The following MAK variants were observed in gnomAD, a reference collection of about 807,000 sequenced individuals.
The protein encoded by MAK is serine/threonine-protein kinase MAK.
Under a neutral mutation model 82.6 loss-of-function variants are expected in MAK, and 65 were observed. The observed-to-expected ratio is 0.79, with a 90% CI of 0.64 to 0.97. The LOEUF is 0.97. Among genes scored for constraint, MAK ranks in the 50% least tolerant of loss-of-function variants. The pLI is 0.00. For missense variants in MAK, 703 were observed against 780.2 expected (o/e 0.90, Z 1.18); for synonymous variants, 250 against 274.2 (o/e 0.91, Z 0.87).
At chr6:10,823,153 A>G (rs530535918) in intron 2 of MAK, among the ~76,000 whole-genome samples, 2 of 152,226 alleles carry the variant, frequency 1.3e-5, no homozygotes, top group Middle Eastern at 3.4e-3. Flanking sequence ...TCATCTACCA[A>G]CTGCCATGCC....
intron 10 of MAK, 172 bp from the exon 11 acceptor site, chr6:10,784,744 A>C (rs939665715): frequency 1.2e-5 from 8 of 695,502 alleles, no homozygotes; most frequent in Non-Finnish European, 2.1e-5. Context: ...CCACCCGCGT[A>C]GATATTGGGT....
chr6:10,775,427 T>C lies in MAK; in HGVS notation c.1498A>G (p.Ser500Gly). 1.2e-6 allele frequency: 2 copies of C among 1,613,844 alleles called. No individual in the cohort carries two copies. The highest frequency in any genetic ancestry group is 2.2e-5 in the East Asian group (1 of 44,866). The change falls in exon 12 of 15, where the codon AGT (serine) becomes GGT (glycine). Residue 500 changes from serine (S) to glycine (G), a missense_variant. Coordinates refer to ENST00000354489, the MANE Select transcript of MAK (RefSeq NM_001242957.3). ...GTGTGGGGGTTTATTTCCTTTCCAC[T>C]GGCTATCAAGGACACCTTCTTGGGA... is the stretch of plus-strand genomic sequence containing the variant. ...VNPKKVSLIA[S>G]GKEINPHTWS...
chr6:10,830,290 T>C (rs1778709982), intron 2 of MAK, among the ~76,000 whole-genome samples: 1 of 151,072 alleles, frequency 6.6e-6, no homozygotes, highest in Non-Finnish European at 1.5e-5. Context: ...CTCGGCCTCC[T>C]GAGTAGCTGG....
In MAK at chr6:10,779,794, C is replaced by T. The variant is rs556835933; in HGVS notation, c.1466-4335G>A. On this transcript the variant is annotated intron_variant, in intron 11 of 14. Coordinates refer to ENST00000354489, the MANE Select transcript of MAK (RefSeq NM_001242957.3). ...CTGCCTTCTGGATTCAAGTGATTCT[C>T]CTGCCTCAGCCTCCTGTGTAGCTGG... 2.6e-5 allele frequency among the ~76,000 whole-genome samples: 4 copies of T among 152,294 alleles called. No individual in the cohort carries two copies. In the South Asian group the frequency reaches 6.2e-4, roughly 24 times the overall value.
At chr6:10,783,985 C>T (rs962958459) in intron 11 of MAK, among the ~76,000 whole-genome samples, 2 of 152,070 alleles carry the variant, frequency 1.3e-5, no homozygotes, top group Admixed American at 6.6e-5. Flanking sequence ...CGCCACTGCA[C>T]TCCAGCCTGG....
At chr6:10,837,690 T>A (rs548702602) in intron 1 of MAK, among the ~76,000 whole-genome samples, 50 of 152,358 alleles carry the variant, frequency 3.3e-4, no homozygotes, top group African/African-American at 1.1e-3. Context: ...TGCATACAGC[T>A]CTTTCCTTGT....
intron 5 of MAK, among the ~76,000 whole-genome samples, chr6:10,813,136 A>ATATTT (rs1561987243): frequency 1.4e-3 from 1 of 726 alleles, no homozygotes; most frequent in African/African-American, 4.1e-3. Flanking sequence ...ATATATATAA[A>ATATTT]TTTTTTTTTT....
rs1227804755 is a variant in MAK at position 10,775,330 on chromosome 6, G to C, written c.1595C>G (p.Ala532Gly). The stretch of plus-strand genomic sequence containing the variant: ...TACATTTTGTATTCTTGCGTTACCT[G>C]CATTGCTCCTTTTGAAAGCAAGTTC... Reference protein sequence around the residue: ...GAELAFKRSNAEESIIKPIEK... With the variant: ...GAELAFKRSNGEESIIKPIEK... Residue 532 changes from alanine (A) to glycine (G), a missense_variant and splice_region_variant, in exon 12 of 15, where the codon GCA (alanine) becomes GGA (glycine). Physicochemically the swap from Ala to Gly is moderately conservative, Grantham distance 60. Transcript: ENST00000354489. 2 of 1,613,044 alleles carry C rather than the reference G, an allele frequency of 1.2e-6. No homozygotes were observed. The highest frequency in any genetic ancestry group is 2.2e-5 in the East Asian group (1 of 44,812).
chr6:10,807,336 C>CTTTTTTTTTTTTTTTTTTTTTTTTTTTTT (rs35237927), intron 6 of MAK, among the ~76,000 whole-genome samples: 2 of 73,734 alleles, frequency 2.7e-5, no homozygotes, highest in African/African-American at 1.2e-4. Context: ...ACATATATTC[C>CTTTTTTTTTTTTTTTTTTTTTTTTTTTTT]TTTTTTTTTT....
At chr6:10,784,330 T>C in intron 11 of MAK, 94 bp downstream of exon 11, 1 of 1,406,740 alleles carries the variant, frequency 7.1e-7, no homozygotes, top group Non-Finnish European at 1.0e-6. Flanking sequence ...GATTTTTTGC[T>C]TCACTGCTGC....
chr6:10,820,227 T>C (rs1005609177), intron 2 of MAK, among the ~76,000 whole-genome samples: 6 of 152,196 alleles, frequency 3.9e-5, no homozygotes, highest in African/African-American at 1.4e-4. Flanking sequence ...GCTGCTTTCA[T>C]TTAGTATTAT....
At chr6:10,835,552 C>A (rs975527409) in intron 1 of MAK, among the ~76,000 whole-genome samples, 1 of 152,228 alleles carries the variant, frequency 6.6e-6, no homozygotes, top group African/African-American at 2.4e-5. Context: ...TGAGCCACTG[C>A]GCCCAGCCAT....
intron 5 of MAK, among the ~76,000 whole-genome samples, chr6:10,811,777 C>T (rs1776952547): frequency 1.3e-5 from 2 of 152,018 alleles, no homozygotes; most frequent in Non-Finnish European, 2.9e-5. Context: ...GTTCTTAAAA[C>T]ATTCTAAACA....
At chr6:10,801,743 T>TTA (rs1211620004) in intron 8 of MAK, 149 bp downstream of exon 8, 1 of 667,744 alleles carries the variant, frequency 1.5e-6, no homozygotes, top group Non-Finnish European at 2.6e-6. Context: ...AGAAATTAAT[T>TTA]TATTACATAC....
At chr6:10,819,256 T>G (rs1777739489) in intron 2 of MAK, among the ~76,000 whole-genome samples, 1 of 152,242 alleles carries the variant, frequency 6.6e-6, no homozygotes. Flanking sequence ...TTTTTAGAAC[T>G]TAAGAGGCCC....
Position 10,793,856 on chromosome 6 carries a change from C to T in MAK, c.1144-2009G>A, listed in dbSNP as rs1258809874. 1.3e-5 allele frequency among the ~76,000 whole-genome samples: 2 copies of T among 152,188 alleles called. No individual in the cohort carries two copies. The highest frequency in any genetic ancestry group is 2.9e-5 in the Non-Finnish European group (2 of 68,034). ...TGGGGAGGACTGTCATCGTTGGTGG[C>T]ACGAGTGCACATATGGTTTAGAATG... On this transcript the variant is annotated intron_variant, in intron 9 of 14. Coordinates refer to ENST00000354489, the MANE Select transcript of MAK (RefSeq NM_001242957.3). The surrounding 1 kb of genome is among the most constrained non-coding windows in gnomAD (Gnocchi z 4.6).
chr6:10,770,321 A>G, intron 13 of MAK, 91 bp from the exon 14 acceptor site: 1 of 1,437,080 alleles, frequency 7.0e-7, no homozygotes, highest in Admixed American at 1.7e-5. Flanking sequence ...ACTTCTAAAT[A>G]CTATTTTTCA....
At chr6:10,801,135 C>T (rs1280487327) in intron 8 of MAK, among the ~76,000 whole-genome samples, 1 of 152,070 alleles carries the variant, frequency 6.6e-6, no homozygotes, top group South Asian at 2.1e-4. Context: ...CTCTCTAATT[C>T]CTTATTCTTG....
intron 10 of MAK, among the ~76,000 whole-genome samples, chr6:10,790,588 C>A (rs765376202): frequency 2.6e-5 from 4 of 152,120 alleles, no homozygotes; most frequent in African/African-American, 9.7e-5. Flanking sequence ...TTTAGAATAG[C>A]GAGGAGGCAG....
Sources: allele counts gnomAD v4.1 joint callset (sites outside exome capture counted in the v4.1 genomes callset), GRCh38; gene constraint gnomAD v4.1.1; non-coding constraint Gnocchi (gnomAD v3.1); transcripts MANE v1.5; gene names NCBI Gene and HGNC (gene_info 2026-07-23, HGNC 2026-07-21).